TMEM132C: variants seen among roughly 807,000 people sequenced by gnomAD.
TMEM132C encodes the protein transmembrane protein 132C, also known as protein phosphatase 1, regulatory subunit 152.
Under a neutral mutation model 61.4 loss-of-function variants are expected in TMEM132C, and 29 were observed. The observed-to-expected ratio is 0.47, with a 90% confidence interval of 0.35 to 0.64. The LOEUF is 0.64. Among genes scored for constraint, TMEM132C ranks in the 30% least tolerant of loss-of-function variants. TMEM132C has a pLI of 0.00. For synonymous variants in TMEM132C, 656 were observed against 633.1 expected (o/e 1.04, Z -0.54); for missense variants, 1,408 against 1,476.9 (o/e 0.95, Z 0.76).
intron 3 of TMEM132C, among the ~76,000 whole-genome samples, chr12:128,564,285 G>A (rs1874623228): frequency 6.6e-6 from 1 of 152,060 alleles, no homozygotes; most frequent in Non-Finnish European, 1.5e-5. Flanking sequence ...AATTTTAGGG[G>A]GGCACAGATA....
chr12:128,344,681 T>A (rs188478784), intron 1 of TMEM132C, among the ~76,000 whole-genome samples: 136 of 152,324 alleles, frequency 8.9e-4, no homozygotes, highest in Non-Finnish European at 1.5e-3. Context: ...TGCAGTGGTG[T>A]CTCATTGTAA....
chr12:128,497,416 C>A (rs1482257970), intron 2 of TMEM132C, among the ~76,000 whole-genome samples: 1 of 152,154 alleles, frequency 6.6e-6, no homozygotes, highest in African/African-American at 2.4e-5. Context: ...TTGGCTATGC[C>A]CTGCCCCCAG....
chr12:128,420,882 A>T (rs1049731464), intron 2 of TMEM132C, among the ~76,000 whole-genome samples: 1 of 152,224 alleles, frequency 6.6e-6, no homozygotes, highest in Non-Finnish European at 1.5e-5. Flanking sequence ...TAATACTTAA[A>T]ATCATCGTTT....
rs530766698 is a variant in TMEM132C at position 128,706,910 on chromosome 12, T to A, written c.*615T>A. 4.6e-5 allele frequency: 7 copies of A among 152,362 alleles called. No individual in the cohort carries two copies. Among genetic ancestry groups the A allele is most frequent in the African/African-American group, 1.4e-4 (6 of 41,584 alleles). The allele number at this position is 152,362 out of a possible 1,614,324, so 9.4% of individuals were successfully genotyped here. On this transcript the variant is annotated 3_prime_UTR_variant, in exon 9 of 9. Transcript: ENST00000435159. ...TCTCTCTCTGTGTCCTAGACTTCCA[T>A]TGCATTTATATTTAATGTTTATTTC... is the stretch of plus-strand genomic sequence containing the variant.
intron 4 of TMEM132C, among the ~76,000 whole-genome samples, chr12:128,650,350 C>A (rs1165376820): frequency 6.6e-6 from 1 of 152,070 alleles, no homozygotes; most frequent in Non-Finnish European, 1.5e-5. Flanking sequence ...GACCCATGAA[C>A]ACCTCATGTA....
At chr12:128,459,063 T>C (rs890016822) in intron 2 of TMEM132C, among the ~76,000 whole-genome samples, 2 of 152,080 alleles carry the variant, frequency 1.3e-5, no homozygotes, top group African/African-American at 4.8e-5. Flanking sequence ...GAGTATCAGG[T>C]TATTACAACT....
At chr12:128,562,231 A>G (rs916914902) in intron 3 of TMEM132C, among the ~76,000 whole-genome samples, 19 of 152,350 alleles carry the variant, frequency 1.2e-4, no homozygotes, top group African/African-American at 4.6e-4. Context: ...GTTGTGGTTC[A>G]GGAGAAAACG....
intron 3 of TMEM132C, among the ~76,000 whole-genome samples, chr12:128,568,733 G>A (rs1874780028): frequency 6.6e-6 from 1 of 152,170 alleles, no homozygotes; most frequent in East Asian, 1.9e-4. Context: ...GGTGAAGCCA[G>A]GTGTGAGGTG....
At chr12:128,616,927 C>G (rs1876820071) in intron 4 of TMEM132C, among the ~76,000 whole-genome samples, 1 of 152,164 alleles carries the variant, frequency 6.6e-6, no homozygotes, top group South Asian at 2.1e-4. Flanking sequence ...AAACATGCTA[C>G]TTGTGTGAAT....
chr12:128,341,432 C>T (rs941535862), intron 1 of TMEM132C, among the ~76,000 whole-genome samples: 2 of 152,174 alleles, frequency 1.3e-5, no homozygotes, highest in South Asian at 2.1e-4. Flanking sequence ...TCATTTATCT[C>T]CCAAGGTGTT....
chr12:128,277,219 A>T (rs1472479607), intron 1 of TMEM132C, among the ~76,000 whole-genome samples: 1 of 152,212 alleles, frequency 6.6e-6, no homozygotes, highest in East Asian at 1.9e-4. Context: ...CAAAAGAAGG[A>T]AAAAAATAAT....
chr12:128,645,474 T>C (rs971676082), intron 4 of TMEM132C, among the ~76,000 whole-genome samples: 1 of 152,178 alleles, frequency 6.6e-6, no homozygotes, highest in Non-Finnish European at 1.5e-5. Flanking sequence ...AGCACATTCT[T>C]CTCTCGCTTG....
intron 1 of TMEM132C, among the ~76,000 whole-genome samples, chr12:128,317,794 A>G (rs1036901703): frequency 6.6e-6 from 1 of 152,226 alleles, no homozygotes; most frequent in East Asian, 1.9e-4. Context: ...CTGAGGCAGG[A>G]GGACGGCTTG....
chr12:128,405,671 A>G (rs886424756), intron 1 of TMEM132C, among the ~76,000 whole-genome samples: 18 of 152,350 alleles, frequency 1.2e-4, no homozygotes, highest in African/African-American at 4.3e-4. Context: ...GAGATTATTT[A>G]AACAGAACTA....
intron 2 of TMEM132C, among the ~76,000 whole-genome samples, chr12:128,496,851 C>A (rs1871979498): frequency 1.3e-5 from 2 of 152,216 alleles, no homozygotes; most frequent in Admixed American, 1.3e-4. Context: ...CATTCTCCAT[C>A]CAGCTTTGTT....
chr12:128,606,267 A>C (rs1268853613), intron 3 of TMEM132C, among the ~76,000 whole-genome samples: 1 of 152,210 alleles, frequency 6.6e-6, no homozygotes, highest in Non-Finnish European at 1.5e-5. Flanking sequence ...TCCTGCATGG[A>C]AAATAAAAAC....
At chr12:128,344,643 G>T (rs1242442234) in intron 1 of TMEM132C, among the ~76,000 whole-genome samples, 1 of 152,148 alleles carries the variant, frequency 6.6e-6, no homozygotes, top group Non-Finnish European at 1.5e-5. Flanking sequence ...GCTATTGCCC[G>T]TCTTTATCTC....
intron 1 of TMEM132C, among the ~76,000 whole-genome samples, chr12:128,347,536 C>T (rs61938415): frequency 9.2e-5 from 14 of 152,090 alleles, no homozygotes; most frequent in Non-Finnish European, 1.8e-4. Flanking sequence ...TCAAGTGATT[C>T]TCCTGCCTCA....
chr12:128,374,644 GTCC>G (rs1874131323), intron 1 of TMEM132C, among the ~76,000 whole-genome samples: 1 of 152,024 alleles, frequency 6.6e-6, no homozygotes, highest in East Asian at 1.9e-4. Context: ...CACAGTCCCT[GTCC>G]TCCTGGCCAG....
Sources: gnomAD v4.1 joint callset for allele counts (sites outside exome capture counted in the v4.1 genomes callset) on GRCh38, gnomAD v4.1.1 for gene constraint, MANE v1.5 for transcripts, NCBI Gene and HGNC (gene_info 2026-07-23, HGNC 2026-07-21) for gene names.